ABCA10: variants seen among roughly 807,000 people sequenced by gnomAD.
ABCA10 encodes ATP binding cassette subfamily A member 10.
A neutral mutation model predicts 187.5 loss-of-function variants in ABCA10; 169 were observed. The observed-to-expected ratio is 0.90, with a 90% CI of 0.80 to 1.02. ABCA10 has a LOEUF of 1.02. ABCA10 is among the 50% of genes least tolerant of loss of function. The pLI is 0.00. For missense variants in ABCA10, 1,727 were observed against 1,812.4 expected (o/e 0.95, Z 0.86); for synonymous variants, 574 against 601.8 (o/e 0.95, Z 0.68).
intron 9 of ABCA10, among the ~76,000 whole-genome samples, chr17:69,203,938 TA>T (rs2074569357): frequency 6.6e-6 from 1 of 152,232 alleles, no homozygotes; most frequent in Non-Finnish European, 1.5e-5. Flanking sequence ...TTAAGGTATA[TA>T]AATAAATTTC....
rs559721718 is a variant in ABCA10 at position 69,239,587 on chromosome 17, T to C, written c.-593+4942A>G. On this transcript the variant is annotated intron_variant, in intron 1 of 39. Transcript: ENST00000269081. The stretch of plus-strand genomic sequence containing the variant: ...CCGTGCTAAAATTTGGTCAAGTCTC[T>C]CAGTGTCAGGCTTTCGACAGAGTTG... Among the ~76,000 whole-genome samples, 3 of 152,278 alleles carry C rather than the reference T, an allele frequency of 2.0e-5. No individual in the cohort carries two copies. In the East Asian group the frequency reaches 5.8e-4, roughly 29 times the overall value.
intron 9 of ABCA10, among the ~76,000 whole-genome samples, chr17:69,211,979 G>T (rs2074664634): frequency 6.6e-6 from 1 of 151,840 alleles, no homozygotes; most frequent in Admixed American, 6.6e-5. Context: ...ATTTCATTTA[G>T]TTCTGCTCTG....
intron 11 of ABCA10, chr17:69,196,619 GGCAGAGGCT>G (rs2074505609): frequency 5.1e-6 from 1 of 196,198 alleles, no homozygotes; most frequent in Non-Finnish European, 1.0e-5. Context: ...GTGGCGGCCG[GGCAGAGGCT>G]GCAATCTCGG....
Position 69,193,146 on chromosome 17 carries a change from T to G in ABCA10, c.1744A>C (p.Ser582Arg), listed in dbSNP as rs1365659649. The G allele has an allele frequency of 1.2e-6, 2 of 1,613,388 alleles. No homozygotes were observed. The highest frequency in any genetic ancestry group is 1.7e-6 in the Non-Finnish European group (2 of 1,179,752). Residue 582 changes from serine (S) to arginine (R), a missense_variant, in exon 15 of 39, where the codon AGT becomes CGT. By Grantham distance (110) the Ser-to-Arg change is moderately radical. Coordinates refer to ENST00000690296, the MANE Select transcript of ABCA10 (RefSeq NM_001377321.1). ...EHKVDRLILF[S>R]TQFMDEADIL... ...TCAGCCTCATCCATGAATTGGGTAC[T>G]GAAGAGGATAAGTCGGTCTACTTTA...
chr17:69,215,671 TG>T, intron 8 of ABCA10, 143 bp downstream of exon 8: 1 of 780,330 alleles, frequency 1.3e-6, no homozygotes, highest in South Asian at 4.3e-5. Flanking sequence ...AAAACTTTTT[TG>T]TTGTTCTTAT....
In ABCA10 at chr17:69,191,247, G is replaced by A. The variant is rs377397041; in HGVS notation, c.1940C>T (p.Ala647Val). ...TSLIKQHIPD[A>V]KLTTESEEKL... ...TTCTTCACTTTCTGTTGTTAACTTG[G>A]CATCAGGAATGTGCTGCTTAATAAG... The change falls in exon 17 of 39, where the codon GCC becomes GTC. Residue 647 changes from alanine (A) to valine (V), a missense_variant. Physicochemically the swap from Ala to Val is moderately conservative, Grantham distance 64. Coordinates refer to ENST00000690296, the MANE Select transcript of ABCA10 (RefSeq NM_001377321.1). 18 of 1,601,904 alleles carry A rather than the reference G, an allele frequency of 1.1e-5. No homozygotes were observed. Among genetic ancestry groups the A allele is most frequent in the Non-Finnish European group, 1.3e-5 (15 of 1,173,178 alleles).
Position 69,193,152 on chromosome 17 carries a change from G to A in ABCA10, c.1738C>T (p.Leu580Phe), listed in dbSNP as rs367746608. ...LKEHKVDRLI[L>F]FSTQFMDEAD... ...TCATCCATGAATTGGGTACTGAAGA[G>A]GATAAGTCGGTCTACTTTATGCTCC... is the stretch of plus-strand genomic sequence containing the variant. The change falls in exon 15 of 39, where the codon CTC (leucine) becomes TTC (phenylalanine). Residue 580 changes from leucine to phenylalanine, a missense_variant. Leu to Phe is a conservative substitution (Grantham distance 22). Transcript: ENST00000690296. The A allele has an allele frequency of 1.3e-4, 204 of 1,613,920 alleles. 1 individual carries two copies. Among genetic ancestry groups the A allele is most frequent in the Non-Finnish European group, 1.6e-4 (189 of 1,179,992 alleles).
rs1316464985 is a variant in ABCA10 at position 69,189,579 on chromosome 17, A to G, written c.2131+779T>C. On this transcript the variant is annotated intron_variant, in intron 18 of 38. Coordinates refer to ENST00000690296, the MANE Select transcript of ABCA10 (RefSeq NM_001377321.1). ...TGTTACAATTGCTTTTGGAGTCTTC[A>G]TCATGAAGTCTTTGCCAGGACCAAT... 2.6e-5 allele frequency among the ~76,000 whole-genome samples: 4 copies of G among 152,092 alleles called. No individual in the cohort carries two copies. In the East Asian group the frequency reaches 7.7e-4, roughly 29 times the overall value.
At chr17:69,161,731 C>T (rs1029045669) in intron 27 of ABCA10, among the ~76,000 whole-genome samples, 2 of 152,096 alleles carry the variant, frequency 1.3e-5, no homozygotes, top group Admixed American at 6.6e-5. Flanking sequence ...AAAATAGGTA[C>T]ATTCATTTGA....
intron 6 of ABCA10, among the ~76,000 whole-genome samples, chr17:69,218,527 T>C (rs114743365): frequency 0.017 from 2,601 of 152,204 alleles, 65 homozygotes; most frequent in African/African-American, 0.059. Flanking sequence ...TAATACCTCA[T>C]TATTATTAAA....
At chr17:69,182,614 A>G in intron 21 of ABCA10, 61 bp downstream of exon 21, 1 of 1,504,694 alleles carries the variant, frequency 6.6e-7, no homozygotes, top group Non-Finnish European at 8.9e-7. Context: ...TCTAAGTATT[A>G]GGACGTGGCA....
In ABCA10 at chr17:69,225,514, A is replaced by C; in HGVS notation, c.-156T>G. ...ATGCACAAATATAGCCCTAGAAACA[A>C]TGTTATTGTCCATTCCTCCAGCACA... is the stretch of plus-strand genomic sequence containing the variant. On this transcript the variant is annotated 5_prime_UTR_variant, in exon 3 of 39. Transcript: ENST00000690296. 1.6e-6 allele frequency: 1 copy of C among 637,608 alleles called. No homozygotes were observed. The allele number at this position is 637,608 out of a possible 1,614,324, so 39.5% of individuals were successfully genotyped here.
At chr17:69,183,856 A>G (rs2074400307) in intron 20 of ABCA10, among the ~76,000 whole-genome samples, 1 of 152,164 alleles carries the variant, frequency 6.6e-6, no homozygotes, top group South Asian at 2.1e-4. Context: ...TTTCCTGGAC[A>G]GAATCTTGGG....
In ABCA10 at chr17:69,225,406, CAG is replaced by C. The variant is rs1476371346; in HGVS notation, c.-50_-49del. ...ACTGGTGTATATGCCACTACCAGGCCAGAGTCATTAAACTGATCCACGCTTCC... is the reference window on the plus strand; with the variant it reads ...ACTGGTGTATATGCCACTACCAGGCCAGTCATTAAACTGATCCACGCTTCC... On this transcript the variant is annotated 5_prime_UTR_variant, in exon 3 of 39. The change abolishes the stop of an existing upstream ORF in the 5' untranslated region. Coordinates refer to ENST00000690296, the MANE Select transcript of ABCA10 (RefSeq NM_001377321.1). 6.2e-7 allele frequency: 1 copy of C among 1,601,130 alleles called. No individual in the cohort carries two copies. The highest frequency in any genetic ancestry group is 8.5e-7 in the Non-Finnish European group (1 of 1,169,822).
Position 69,190,463 on chromosome 17 carries a change from G to T in ABCA10, c.2026C>A (p.Leu676Ile). 6.4e-7 allele frequency: 1 copy of T among 1,572,980 alleles called. No homozygotes were observed. The highest frequency in any genetic ancestry group is 8.6e-7 in the Non-Finnish European group (1 of 1,167,704). ...ATGCCCTGGTCAGAACACTTATCAA[G>T]GTCACTGTAAAGATCTAAAAAGCCA... ...TNKFPDLYSD[L>I]DKCSDQGIRN... Residue 676 changes from leucine (L) to isoleucine (I), a missense_variant, in exon 18 of 39, where the codon CTT becomes ATT. Leu to Ile is a conservative substitution (Grantham distance 5). Transcript: ENST00000690296.
At chr17:69,158,410 C>A (rs1598087335) in intron 27 of ABCA10, among the ~76,000 whole-genome samples, 1 of 151,212 alleles carries the variant, frequency 6.6e-6, no homozygotes, top group South Asian at 2.1e-4. Context: ...GATAATTGTA[C>A]AAGAATTTTA....
rs184458720 is a variant in ABCA10, at chr17:69,173,510, A to G, written c.3162+771T>C. Among the ~76,000 whole-genome samples, 322 of 152,196 alleles carry G rather than the reference A, an allele frequency of 2.1e-3. 1 individual carries two copies. Among genetic ancestry groups the G allele is most frequent in the Non-Finnish European group, 3.0e-3 (205 of 67,968 alleles). On this transcript the variant is annotated intron_variant, in intron 25 of 38. Transcript: ENST00000690296. Reference sequence around the variant, plus strand: ...GGAAAATCCAGAAGAAGAAGAAGAAAAAAAGAGAGAGTCAAAGTGTAGACC... The same window carrying G: ...GGAAAATCCAGAAGAAGAAGAAGAAGAAAAGAGAGAGTCAAAGTGTAGACC...
intron 3 of ABCA10, among the ~76,000 whole-genome samples, chr17:69,223,273 CT>C (rs1269662152): frequency 7.5e-6 from 1 of 132,806 alleles, no homozygotes; most frequent in Non-Finnish European, 1.5e-5. Flanking sequence ...AGATTATAAA[CT>C]GATATCACAT....
At position 69,194,490 on chromosome 17, in the gene ABCA10, A is replaced by T. The variant is rs550893558; in HGVS notation, c.1240T>A (p.Phe414Ile). 1.4e-5 allele frequency: 22 copies of T among 1,600,224 alleles called. No individual in the cohort carries two copies. Among genetic ancestry groups the T allele is most frequent in the Non-Finnish European group, 1.7e-5 (20 of 1,173,272 alleles). Residue 414 changes from phenylalanine to isoleucine, a missense_variant, in exon 12 of 39, where the codon TTT (phenylalanine) becomes ATT (isoleucine). By Grantham distance (21) the Phe-to-Ile change is conservative. Coordinates refer to ENST00000690296, the MANE Select transcript of ABCA10 (RefSeq NM_001377321.1). ...ATCTGTCCTTCATATATGTCAAAAA[A>T]TATGCCTGTTTTAGAATAAAAAGTG... ...TGKVEALQGI[F>I]FDIYEGQITA...
Sources: gnomAD v4.1 joint callset for allele counts (sites outside exome capture counted in the v4.1 genomes callset) on GRCh38, gnomAD v4.1.1 for gene constraint, MANE v1.5 for transcripts, NCBI Gene and HGNC (gene_info 2026-07-23, HGNC 2026-07-21) for gene names.